Variants in CNIH3 observed in about 807,000 individuals in gnomAD.
The protein encoded by CNIH3 is protein cornichon homolog 3.
In CNIH3, 14 loss-of-function variants were observed where a neutral mutation model predicts 24.1. The observed-to-expected ratio is 0.58, with a 90% CI of 0.38 to 0.91. The LOEUF (loss-of-function observed/expected upper bound fraction) is 0.91, where lower values mean the gene tolerates loss of function less well. Ranked by LOEUF, CNIH3 falls within the 40% of genes least tolerant of loss-of-function variation. The probability of loss-of-function intolerance (pLI) is 0.00; values close to 1 mark genes in which losing one functional copy is unlikely to be tolerated. For synonymous variants in CNIH3, 68 were observed against 73.8 expected (o/e 0.92, Z 0.40); for missense variants, 178 against 196.8 (o/e 0.90, Z 0.57).
chr1:224,617,069 G>A lies in CNIH3; in HGVS notation c.-106G>A, dbSNP rs190595951. Reference sequence around the variant, plus strand: ...GCGCCCTCCTGGGCACTAGCCTGGAGAGGAGCGTGCAGACGCGGCTCCTTG... The same window carrying A: ...GCGCCCTCCTGGGCACTAGCCTGGAAAGGAGCGTGCAGACGCGGCTCCTTG... On this transcript the variant is annotated 5_prime_UTR_variant, in exon 1 of 6. Transcript: ENST00000272133. 1.3e-6 allele frequency: 2 copies of A among 1,533,018 alleles called. No homozygotes were observed. The highest frequency in any genetic ancestry group is 1.7e-6 in the Non-Finnish European group (2 of 1,147,742). 95.0% of individuals were successfully genotyped at this position (1,533,018 alleles called of 1,614,324 possible).
intron 1 of CNIH3, among the ~76,000 whole-genome samples, chr1:224,624,493 G>A (rs994206737): frequency 1.3e-5 from 2 of 152,080 alleles, no homozygotes; most frequent in African/African-American, 2.4e-5. Context: ...CAGCCCCAGT[G>A]GGTTTAGTCT....
At chr1:224,606,144 C>T (rs1682411283) in intron 3 of CNIH3, among the ~76,000 whole-genome samples, 1 of 151,124 alleles carries the variant, frequency 6.6e-6, no homozygotes, top group African/African-American at 2.5e-5. Flanking sequence ...TACTTGCGAC[C>T]CCCCCAGATC....
chr1:224,593,459 G>A (rs1489335212), downstream of CNIH3, among the ~76,000 whole-genome samples: 1 of 152,184 alleles, frequency 6.6e-6, no homozygotes, highest in Non-Finnish European at 1.5e-5. Context: ...TAAGTGGCTT[G>A]CCTAAAGTCA....
chr1:224,530,740 C>G (rs1334707367), intron 2 of CNIH3, among the ~76,000 whole-genome samples: 1 of 152,090 alleles, frequency 6.6e-6, no homozygotes, highest in Non-Finnish European at 1.5e-5. Flanking sequence ...GTTGGGATTA[C>G]AGGCGCCTGC....
At chr1:224,475,793 A>G (rs1195011559) in intron 1 of CNIH3, among the ~76,000 whole-genome samples, 1 of 152,192 alleles carries the variant, frequency 6.6e-6, no homozygotes, top group East Asian at 1.9e-4. Context: ...CTCACCAATA[A>G]AAGAAAACTA....
intron 3 of CNIH3, among the ~76,000 whole-genome samples, chr1:224,692,901 C>T (rs564199841): frequency 5.3e-5 from 8 of 152,262 alleles, no homozygotes; most frequent in East Asian, 3.9e-4. Context: ...AGGGAAGCTA[C>T]GGATACCGAA....
chr1:224,521,981 A>G (rs924259439), intron 2 of CNIH3, among the ~76,000 whole-genome samples: 4 of 152,228 alleles, frequency 2.6e-5, no homozygotes, highest in African/African-American at 7.2e-5. Context: ...ATGGAAGGCA[A>G]TAAAGTTCTC....
At chr1:224,669,053 C>A (rs1558273315) in intron 1 of CNIH3, among the ~76,000 whole-genome samples, 1 of 152,196 alleles carries the variant, frequency 6.6e-6, no homozygotes, top group Non-Finnish European at 1.5e-5. Context: ...GACAAGTTAG[C>A]AGAAAAGGGC....
intron 4 of CNIH3, among the ~76,000 whole-genome samples, chr1:224,579,087 G>A (rs1337855851): frequency 7.9e-6 from 1 of 126,176 alleles, no homozygotes; most frequent in Non-Finnish European, 1.7e-5. Flanking sequence ...TTTTCTTTCT[G>A]TTTTCTCTCT....
chr1:224,465,109 A>G (rs543797757), intron 1 of CNIH3, among the ~76,000 whole-genome samples: 1 of 146,306 alleles, frequency 6.8e-6, no homozygotes, highest in Admixed American at 6.7e-5. Flanking sequence ...AGTTAGAATT[A>G]TCTTTTTTTT....
rs1365570582 is a variant in CNIH3, at chr1:224,730,437, G to A, written c.199-25G>A. On this transcript the variant is annotated intron_variant, in intron 3 of 5. Coordinates refer to ENST00000272133, the MANE Select transcript of CNIH3 (RefSeq NM_152495.2). ...GTGGCGTTTTCCTCCTCTAACTCAG[G>A]GCCGTGTCTCTGCTCCCTCTTCAGC... The A allele has an allele frequency of 4.8e-6, 7 of 1,457,646 alleles. No individual in the cohort carries two copies. The Admixed American group carries it at 1.4e-4, about 29-fold the overall frequency. 90.3% of individuals were successfully genotyped at this position (1,457,646 alleles called of 1,614,324 possible). A position where few individuals can be genotyped will look rare whatever the true frequency, so the allele number is the denominator to read the frequency against.
chr1:224,472,023 A>G lies in CNIH3; in HGVS notation n.203+37161A>G, dbSNP rs557242934. 3.0e-4 allele frequency among the ~76,000 whole-genome samples: 46 copies of G among 152,336 alleles called. 1 individual carries two copies. In the South Asian group the frequency reaches 9.5e-3, roughly 32 times the overall value. ...TATTGTCAATAGTGCTGCAGTAAAC[A>G]TGGAAGTGCAGATATCTCTTCGATA... is the stretch of plus-strand genomic sequence containing the variant. On this transcript the variant is annotated intron_variant and non_coding_transcript_variant, in intron 1 of 5. Coordinates refer to the CNIH3 transcript ENST00000471578.
At chr1:224,622,175 T>C (rs1354818028) in intron 1 of CNIH3, among the ~76,000 whole-genome samples, 11 of 152,280 alleles carry the variant, frequency 7.2e-5, no homozygotes, top group Admixed American at 2.0e-4. Flanking sequence ...AACTCGTTTC[T>C]GATTTGGCTT....
chr1:224,677,093 T>A (rs1051281001), intron 1 of CNIH3, among the ~76,000 whole-genome samples: 1 of 152,224 alleles, frequency 6.6e-6, no homozygotes, highest in Admixed American at 6.5e-5. Context: ...ACTTAACTAC[T>A]TTGGGCCTCA....
chr1:224,503,903 G>A (rs951453702), intron 1 of CNIH3, among the ~76,000 whole-genome samples: 1 of 152,266 alleles, frequency 6.6e-6, no homozygotes, highest in African/African-American at 2.4e-5. Flanking sequence ...CTCCAGGAGG[G>A]AGGGGTGCCG....
At chr1:224,589,898 A>G (rs1344022554), downstream of CNIH3, among the ~76,000 whole-genome samples, 1 of 151,166 alleles carries the variant, frequency 6.6e-6, no homozygotes, top group East Asian at 1.9e-4. Context: ...TTTTTTTGAG[A>G]TGGAGTCTTG....
At chr1:224,616,228 G>A, upstream of CNIH3, 1 of 158,904 alleles carries the variant, frequency 6.3e-6, no homozygotes, top group Non-Finnish European at 1.4e-5. Flanking sequence ...TGCAGTCTCC[G>A]CCCGCCGGGG....
intron 4 of CNIH3, among the ~76,000 whole-genome samples, chr1:224,578,064 A>C (rs181906716): frequency 6.6e-5 from 10 of 152,188 alleles, no homozygotes; most frequent in African/African-American, 1.9e-4. Flanking sequence ...TATTGGGTAC[A>C]GTGTACACTG....
chr1:224,471,622 G>A (rs891332869), intron 1 of CNIH3, among the ~76,000 whole-genome samples: 7 of 145,928 alleles, frequency 4.8e-5, no homozygotes, highest in Non-Finnish European at 9.0e-5. Context: ...ATGGAGTCTC[G>A]CTCTGTCACC....
Sources: allele counts gnomAD v4.1 joint callset (sites outside exome capture counted in the v4.1 genomes callset), GRCh38; gene constraint gnomAD v4.1.1; transcripts MANE v1.5; gene names NCBI Gene and HGNC (gene_info 2026-07-23, HGNC 2026-07-21).